The following TBC1D32 variants were observed in gnomAD, a reference collection of about 807,000 sequenced individuals.
TBC1D32 encodes the protein TBC1 domain family member 32.
Under a neutral mutation model 170.3 loss-of-function variants are expected in TBC1D32, and 151 were observed. The observed-to-expected ratio is 0.89, with a 90% CI of 0.78 to 1.01. TBC1D32 has a LOEUF of 1.01. TBC1D32 is among the 50% of genes least tolerant of loss of function. The pLI is 0.00. For synonymous variants in TBC1D32, 498 were observed against 488.0 expected, an observed-to-expected ratio of 1.02 and a Z score of -0.27; for missense variants, 1,464 against 1,457.1, an observed-to-expected ratio of 1.00 and a Z score of -0.08.
chr6:121,151,719 C>T lies in TBC1D32; in HGVS notation c.2773+8291G>A, dbSNP rs112929475. Among the ~76,000 whole-genome samples, 1,340 of 152,260 alleles carry T rather than the reference C, an allele frequency of 8.8e-3. 10 individuals carry two copies. Among genetic ancestry groups the T allele is most frequent in the South Asian group, 0.041 (199 of 4,832 alleles). On this transcript the variant is annotated intron_variant, in intron 24 of 31. Transcript: ENST00000398212. The stretch of plus-strand genomic sequence containing the variant: ...GTGCACATATATTTAGGATAGTTAG[C>T]TCTTCTTGTTGCATTGATTCCTTCA...
At chr6:121,228,256 C>A (rs1387584865) in intron 20 of TBC1D32, among the ~76,000 whole-genome samples, 1 of 151,906 alleles carries the variant, frequency 6.6e-6, no homozygotes, top group African/African-American at 2.4e-5. Context: ...TTAGTTTGTT[C>A]TGTTTCATTG....
chr6:121,214,463 C>A (rs1431850129), intron 21 of TBC1D32, among the ~76,000 whole-genome samples: 1 of 152,162 alleles, frequency 6.6e-6, no homozygotes. Flanking sequence ...CCAGCCACTG[C>A]TCAAAACCAG....
intron 21 of TBC1D32, among the ~76,000 whole-genome samples, chr6:121,213,008 G>A (rs1347394358): frequency 6.6e-6 from 1 of 152,106 alleles, no homozygotes; most frequent in Non-Finnish European, 1.5e-5. Flanking sequence ...CATCCTTCGT[G>A]TTAAAAACTC....
rs574931868 is a variant in TBC1D32, at chr6:121,113,486, T to C, written c.3054-309A>G. On this transcript the variant is annotated intron_variant, in intron 27 of 31. Transcript: ENST00000398212. The stretch of plus-strand genomic sequence containing the variant: ...ATGTTGACAGGTTAGTTTTACAAAA[T>C]GTTGAGTCTAGAAGTACCTTTAGAG... Among the ~76,000 whole-genome samples, 65 of 152,320 alleles carry C rather than the reference T, an allele frequency of 4.3e-4. 4 individuals are homozygous for C. The South Asian group carries it at 0.013, about 31-fold the overall frequency.
chr6:121,218,647 T>G (rs780856746), intron 21 of TBC1D32, among the ~76,000 whole-genome samples: 21 of 152,120 alleles, frequency 1.4e-4, no homozygotes, highest in South Asian at 4.1e-4. Context: ...CCTACATCTT[T>G]CTCCCCTTGA....
intron 1 of TBC1D32, among the ~76,000 whole-genome samples, chr6:121,333,941 C>G (rs560421304): frequency 1.3e-5 from 2 of 152,222 alleles, no homozygotes; most frequent in African/African-American, 4.8e-5. Flanking sequence ...GTGGCGGGCA[C>G]CTGCAATCCC....
At position 121,263,624 on chromosome 6, in the gene TBC1D32, C is replaced by T. The variant is rs142866907; in HGVS notation, c.1734-7339G>A. ...ATAGATATCTACAGAACTCTCCACC[C>T]GAAAACAACAGAATATACATTCTTC... On this transcript the variant is annotated intron_variant, in intron 15 of 31. Transcript: ENST00000398212. Among the ~76,000 whole-genome samples the T allele has an allele frequency of 5.3e-3, 804 of 152,214 alleles. 9 individuals carry two copies. Among genetic ancestry groups the T allele is most frequent in the African/African-American group, 0.018 (763 of 41,534 alleles).
intron 22 of TBC1D32, among the ~76,000 whole-genome samples, chr6:121,198,892 C>T (rs1266368724): frequency 2.6e-5 from 4 of 151,130 alleles, no homozygotes; most frequent in Admixed American, 6.6e-5. Flanking sequence ...CAAAAATGAA[C>T]GACACAAAAG....
At chr6:121,194,019 T>C (rs893151855) in intron 22 of TBC1D32, among the ~76,000 whole-genome samples, 1 of 151,968 alleles carries the variant, frequency 6.6e-6, no homozygotes, top group African/African-American at 2.4e-5. Flanking sequence ...TAACTGTGAA[T>C]TGGGGAAAGG....
At chr6:121,234,976 C>T (rs1412068904) in intron 20 of TBC1D32, among the ~76,000 whole-genome samples, 2 of 151,898 alleles carry the variant, frequency 1.3e-5, no homozygotes, top group Non-Finnish European at 2.9e-5. Flanking sequence ...ATTGTTTTTG[C>T]TCTTCTGGGT....
intron 8 of TBC1D32, 77 bp from the exon 9 acceptor site, chr6:121,303,838 G>A (rs1427197852): frequency 1.5e-5 from 15 of 1,014,222 alleles, no homozygotes; most frequent in Non-Finnish European, 1.9e-5. Flanking sequence ...GAATGATAAA[G>A]TAGCATATAA....
At chr6:121,214,290 G>A (rs1302264692) in intron 21 of TBC1D32, among the ~76,000 whole-genome samples, 4 of 152,196 alleles carry the variant, frequency 2.6e-5, no homozygotes, top group Non-Finnish European at 4.4e-5. Flanking sequence ...GTGGCCTGTG[G>A]CACCTTTGCC....
intron 20 of TBC1D32, among the ~76,000 whole-genome samples, chr6:121,226,786 G>T (rs971101626): frequency 3.3e-5 from 5 of 152,122 alleles, no homozygotes; most frequent in African/African-American, 1.2e-4. Context: ...AGACTGAATA[G>T]TGATAATAAT....
chr6:121,098,631 C>T (rs947518098), intron 30 of TBC1D32, among the ~76,000 whole-genome samples: 1 of 151,988 alleles, frequency 6.6e-6, no homozygotes, highest in African/African-American at 2.4e-5. Flanking sequence ...TGAAGTGAGG[C>T]ACATATATAT....
intron 9 of TBC1D32, among the ~76,000 whole-genome samples, chr6:121,300,968 T>C (rs1048105541): frequency 7.9e-5 from 12 of 152,076 alleles, no homozygotes; most frequent in Non-Finnish European, 1.8e-4. Context: ...ACTGGAGAAA[T>C]GCAAATCAAA....
intron 16 of TBC1D32, 138 bp downstream of exon 16, chr6:121,255,946 G>T (rs1798946155): frequency 4.2e-6 from 3 of 718,508 alleles, no homozygotes; most frequent in East Asian, 5.5e-5. Flanking sequence ...GATGCATTAT[G>T]TCCCCTAGAG....
intron 24 of TBC1D32, among the ~76,000 whole-genome samples, chr6:121,133,729 C>T (rs1374245649): frequency 2.0e-5 from 3 of 152,010 alleles, no homozygotes; most frequent in Non-Finnish European, 4.4e-5. Context: ...TGTGGACTCA[C>T]ATAAATACAC....
intron 31 of TBC1D32, among the ~76,000 whole-genome samples, chr6:121,086,138 C>T (rs760825834): frequency 5.3e-5 from 8 of 151,924 alleles, no homozygotes; most frequent in Non-Finnish European, 8.8e-5. Flanking sequence ...AACTTAATAA[C>T]CGCTAAGTTT....
intron 24 of TBC1D32, among the ~76,000 whole-genome samples, chr6:121,148,905 C>T (rs1016670781): frequency 3.3e-5 from 5 of 152,196 alleles, no homozygotes; most frequent in African/African-American, 1.2e-4. Flanking sequence ...TCACCACATC[C>T]TCTCCAGCAT....
Sources: allele counts gnomAD v4.1 joint callset (sites outside exome capture counted in the v4.1 genomes callset), GRCh38; gene constraint gnomAD v4.1.1; transcripts MANE v1.5; gene names NCBI Gene and HGNC (gene_info 2026-07-23, HGNC 2026-07-21).